Variants in OR6C1 observed in about 807,000 individuals in gnomAD.
OR6C1 encodes the protein olfactory receptor family 6 subfamily C member 1, also known as olfactory receptor 6C1.
For synonymous variants in OR6C1, 157 were observed against 133.3 expected (o/e 1.18, Z -1.22); for missense variants, 386 against 366.1 (o/e 1.05, Z -0.44).
At position 55,321,234 on chromosome 12, in the gene OR6C1, T is replaced by TGTTCACTTTGGC; in HGVS notation, c.635_636insGTTCACTTTGGC (p.Ile212delinsMetPheThrLeuAla). The TGTTCACTTTGGC allele has an allele frequency of 6.2e-7, 1 of 1,614,014 alleles. No individual in the cohort carries two copies. The stretch of plus-strand genomic sequence containing the variant: ...ACTCTAATGTTCACTTTGGCATTAA[T>TGTTCACTTTGGC]ATTTCTGTCCTACATATACATTATC... On this transcript the variant is annotated protein_altering_variant, in exon 2 of 2. Transcript: ENST00000642104.
chr12:55,320,585 G>A lies in OR6C1; in HGVS notation c.-15G>A, dbSNP rs930927381. ...CTTGTAGGTCTGGCAGGGGAAAAAA[G>A]AAAGCAACTGAAGAATGAGAAACCA... On this transcript the variant is annotated 5_prime_UTR_variant, in exon 2 of 2. Coordinates refer to ENST00000642104, the MANE Select transcript of OR6C1 (RefSeq NM_001005182.2). 3 of 1,480,066 alleles carry A rather than the reference G, an allele frequency of 2.0e-6. No individual in the cohort carries two copies. Among genetic ancestry groups the A allele is most frequent in the Non-Finnish European group, 2.8e-6 (3 of 1,078,680 alleles). 91.7% of individuals were successfully genotyped at this position (1,480,066 alleles called of 1,614,324 possible).
At chr12:55,315,358 C>G (rs1868391802) in intron 1 of OR6C1, among the ~76,000 whole-genome samples, 2 of 151,544 alleles carry the variant, frequency 1.3e-5, no homozygotes, top group African/African-American at 4.8e-5. Context: ...GTGTTAATAC[C>G]ACAGTTTTCT....
At position 55,321,675 on chromosome 12, in the gene OR6C1, A is replaced by G. The variant is rs1868565917; in HGVS notation, c.*137A>G. On this transcript the variant is annotated 3_prime_UTR_variant, in exon 2 of 2. Transcript: ENST00000642104. ...AAAAGTTTGCAAGCATATTTATTTAATATATTTCTCATTTGACTTAAAATA... is the reference window on the plus strand; with the variant it reads ...AAAAGTTTGCAAGCATATTTATTTAGTATATTTCTCATTTGACTTAAAATA... The G allele has an allele frequency of 2.1e-6, 1 of 482,874 alleles. No homozygotes were observed. The highest frequency in any genetic ancestry group is 2.0e-5 in the African/African-American group (1 of 50,356). 29.9% of individuals were successfully genotyped at this position (482,874 alleles called of 1,614,324 possible). A position where few individuals can be genotyped will look rare whatever the true frequency, so the allele number is the denominator to read the frequency against.
chr12:55,320,249 G>T (rs1868505165), intron 1 of OR6C1, among the ~76,000 whole-genome samples: 1 of 152,142 alleles, frequency 6.6e-6, no homozygotes, highest in African/African-American at 2.4e-5. Flanking sequence ...ATACGAAGGT[G>T]GTTCTGATTA....
At chr12:55,319,731 C>A (rs1868489545) in intron 1 of OR6C1, among the ~76,000 whole-genome samples, 1 of 152,168 alleles carries the variant, frequency 6.6e-6, no homozygotes, top group Non-Finnish European at 1.5e-5. Context: ...TGCCATGTGC[C>A]CTGTGTGCTT....
At position 55,321,335 on chromosome 12, in the gene OR6C1, G is replaced by A. The variant is rs7132916; in HGVS notation, c.736G>A (p.Val246Ile). The change falls in exon 2 of 2, where the codon GTC (valine) becomes ATC (isoleucine). Residue 246 changes from valine to isoleucine, a missense_variant. Physicochemically the swap from Val to Ile is conservative, Grantham distance 29 (BLOSUM62 3). Transcript: ENST00000642104. Reference protein sequence around the residue: ...FSTCSSHMVVVSISYGSCIFM... With the variant: ...FSTCSSHMVVISISYGSCIFM... Reference sequence around the variant, plus strand: ...CACATGTTCTTCCCACATGGTTGTTGTCTCCATCTCTTATGGCAGCTGCAT... The same window carrying A: ...CACATGTTCTTCCCACATGGTTGTTATCTCCATCTCTTATGGCAGCTGCAT... The A allele has an allele frequency of 0.77, 1,237,992 of 1,612,796 alleles. 476,856 individuals carry two copies. The highest frequency in any genetic ancestry group is 0.84 in the Middle Eastern group (5,066 of 6,056).
chr12:55,316,352 T>G (rs925520184), intron 1 of OR6C1, among the ~76,000 whole-genome samples: 1 of 151,842 alleles, frequency 6.6e-6, no homozygotes, highest in African/African-American at 2.4e-5. Context: ...GCTCTGAAGA[T>G]GCTTTGTAAC....
rs1368307975 is a variant in OR6C1 at position 55,321,969 on chromosome 12, A to G, written c.*431A>G. 1.3e-5 allele frequency: 2 copies of G among 152,172 alleles called. No homozygotes were observed. The highest frequency in any genetic ancestry group is 6.6e-5 in the Admixed American group (1 of 15,254). 9.4% of individuals were successfully genotyped at this position (152,172 alleles called of 1,614,324 possible). The stretch of plus-strand genomic sequence containing the variant: ...TTCTAGGAAATATGTGAAAGATACA[A>G]TATAATTTTTAAAAAATGTAAGTGA... On this transcript the variant is annotated 3_prime_UTR_variant, in exon 2 of 2. Transcript: ENST00000642104.
Position 55,317,998 on chromosome 12 carries a change from TATACACACACATAA to T in OR6C1, c.-33-2555_-33-2542del, listed in dbSNP as rs1255255115. 2.3e-3 allele frequency among the ~76,000 whole-genome samples: 345 copies of T among 149,444 alleles called. 3 individuals are homozygous for T. The highest frequency in any genetic ancestry group is 7.4e-3 in the African/African-American group (301 of 40,856). On this transcript the variant is annotated intron_variant, in intron 1 of 1. Transcript: ENST00000642104. Reference sequence around the variant, plus strand: ...ATACACATATATATACATACACATATATACACACACATAAATACACACACATATATACACACACA... The same window carrying T: ...ATACACATATATATACATACACATATATACACACACATATATACACACACA...
At position 55,322,125 on chromosome 12, in the gene OR6C1, TC is replaced by T. The variant is rs1868578057; in HGVS notation, c.*589del. On this transcript the variant is annotated 3_prime_UTR_variant, in exon 2 of 2. Transcript: ENST00000642104. ...TTTTGTTATAAGTGCTAAGTAGAGC[TC>T]CATATTTGTGAATCCCATAATATTC... The T allele has an allele frequency of 6.6e-6, 1 of 152,066 alleles. No individual in the cohort carries two copies. The highest frequency in any genetic ancestry group is 2.1e-4 in the South Asian group (1 of 4,822). 9.4% of individuals were successfully genotyped at this position (152,066 alleles called of 1,614,324 possible).
rs943504112 is a variant in OR6C1, at chr12:55,320,650, T to C, written c.51T>C (p.Asp17=). 3.7e-6 allele frequency: 6 copies of C among 1,613,390 alleles called. No homozygotes were observed. In the African/African-American group the frequency reaches 6.7e-5, roughly 18 times the overall value. The part of the protein sequence containing the change: ...ITEFILLGLT[D]DPNFQVVIFV... Reference sequence around the variant, plus strand: ...AGTTTATTCTTCTGGGATTAACAGATGACCCAAATTTTCAGGTTGTAATCT... The same window carrying C: ...AGTTTATTCTTCTGGGATTAACAGACGACCCAAATTTTCAGGTTGTAATCT... The change falls in exon 2 of 2, where the codon GAT becomes GAC. Residue 17 remains aspartate (D), a synonymous_variant. Transcript: ENST00000642104.
chr12:55,320,223 A>G (rs1868504289), intron 1 of OR6C1, among the ~76,000 whole-genome samples: 1 of 152,152 alleles, frequency 6.6e-6, no homozygotes, highest in South Asian at 2.1e-4. Flanking sequence ...AAACTTGTAT[A>G]GGGATTTGTG....
rs770095630 is a variant in OR6C1, at chr12:55,320,576, G to A, written c.-24G>A. ...GTACTTTCTCTTGTAGGTCTGGCAGGGGAAAAAAGAAAGCAACTGAAGAAT... is the reference window on the plus strand; with the variant it reads ...GTACTTTCTCTTGTAGGTCTGGCAGAGGAAAAAAGAAAGCAACTGAAGAAT... On this transcript the variant is annotated 5_prime_UTR_variant, in exon 2 of 2. Coordinates refer to ENST00000642104, the MANE Select transcript of OR6C1 (RefSeq NM_001005182.2). 4.4e-5 allele frequency: 61 copies of A among 1,375,716 alleles called. No individual in the cohort carries two copies. The highest frequency in any genetic ancestry group is 5.5e-5 in the Non-Finnish European group (54 of 986,416). 85.2% of individuals were successfully genotyped at this position (1,375,716 alleles called of 1,614,324 possible). A position where few individuals can be genotyped will look rare whatever the true frequency, so the allele number is the denominator to read the frequency against.
At chr12:55,316,892 CA>C (rs1443519303) in intron 1 of OR6C1, among the ~76,000 whole-genome samples, 2 of 151,766 alleles carry the variant, frequency 1.3e-5, no homozygotes, top group African/African-American at 4.8e-5. Flanking sequence ...ATGAACCCTT[CA>C]AATAACAACT....
At position 55,321,869 on chromosome 12, in the gene OR6C1, T is replaced by C. The variant is rs1868570729; in HGVS notation, c.*331T>C. ...TATAAATATCAATATGATATTCTAC[T>C]TGTTATACACAGAACATATAGTTTT... On this transcript the variant is annotated 3_prime_UTR_variant, in exon 2 of 2. Coordinates refer to ENST00000642104, the MANE Select transcript of OR6C1 (RefSeq NM_001005182.2). 1.1e-5 allele frequency: 2 copies of C among 178,564 alleles called. No individual in the cohort carries two copies. The highest frequency in any genetic ancestry group is 2.9e-4 in the East Asian group (2 of 6,892). The allele number at this position is 178,564 out of a possible 1,614,324, so 11.1% of individuals were successfully genotyped here. A position where few individuals can be genotyped will look rare whatever the true frequency, so the allele number is the denominator to read the frequency against.
rs560677164 is a variant in OR6C1, at chr12:55,322,220, A to AGAATATGTTAG, written c.*688_*689insGTTAGGAATAT. ...CATACATAAGTTTTGTCAAACATAG[A>AGAATATGTTAG]GAATATATAGTATATTCCTAAGATA... is the stretch of plus-strand genomic sequence containing the variant. On this transcript the variant is annotated 3_prime_UTR_variant, in exon 2 of 2. Transcript: ENST00000642104. The AGAATATGTTAG allele has an allele frequency of 9.2e-5, 14 of 152,166 alleles. No individual in the cohort carries two copies. In the East Asian group the frequency reaches 2.7e-3, roughly 29 times the overall value. 9.4% of individuals were successfully genotyped at this position (152,166 alleles called of 1,614,324 possible).
At chr12:55,318,953 A>G (rs1281741180) in intron 1 of OR6C1, among the ~76,000 whole-genome samples, 1 of 152,002 alleles carries the variant, frequency 6.6e-6, no homozygotes, top group East Asian at 1.9e-4. Flanking sequence ...AAGAATTAAA[A>G]ATTGCTATTT....
At chr12:55,320,221 A>G (rs1868504190) in intron 1 of OR6C1, among the ~76,000 whole-genome samples, 1 of 152,166 alleles carries the variant, frequency 6.6e-6, no homozygotes, top group Non-Finnish European at 1.5e-5. Context: ...GGAAACTTGT[A>G]TAGGGATTTG....
At chr12:55,317,916 A>G (rs186023156) in intron 1 of OR6C1, among the ~76,000 whole-genome samples, 3 of 142,860 alleles carry the variant, frequency 2.1e-5, no homozygotes. Flanking sequence ...CACAATGCTA[A>G]TATATATATA....
Sources: allele counts gnomAD v4.1 joint callset (sites outside exome capture counted in the v4.1 genomes callset), GRCh38; gene constraint gnomAD v4.1.1; transcripts MANE v1.5; gene names NCBI Gene and HGNC (gene_info 2026-07-23, HGNC 2026-07-21).